Variants in CDH3 observed in about 807,000 individuals in gnomAD.
The protein encoded by CDH3 is cadherin-3.
CDH3 carries 54 observed loss-of-function variants against 82.0 expected under a neutral mutation model. The ratio of observed to expected loss-of-function variants is 0.66; its 90% CI spans 0.53 to 0.83. The LOEUF (loss-of-function observed/expected upper bound fraction) is 0.83, where lower values mean the gene tolerates loss of function less well. Among genes scored for constraint, CDH3 ranks in the 40% least tolerant of loss-of-function variants. CDH3 has a pLI of 0.00. For synonymous variants in CDH3, 446 were observed against 437.9 expected, an observed-to-expected ratio of 1.02 and a Z score of -0.23; for missense variants, 1,054 against 1,084.6, an observed-to-expected ratio of 0.97 and a Z score of 0.40.
chr16:68,719,976 A>C (rs1962143278), intron 1 of CDH3, among the ~76,000 whole-genome samples: 1 of 152,072 alleles, frequency 6.6e-6, no homozygotes, highest in African/African-American at 2.4e-5. Flanking sequence ...CAACATAGTG[A>C]AACCTCTTCT....
chr16:68,655,961 T>G (rs1960401075), intron 2 of CDH3, among the ~76,000 whole-genome samples: 1 of 152,154 alleles, frequency 6.6e-6, no homozygotes, highest in Non-Finnish European at 1.5e-5. Context: ...CTCGAGGAAC[T>G]GATGTCCAAG....
At chr16:68,654,732 ATATT>A (rs1555504523) in intron 2 of CDH3, among the ~76,000 whole-genome samples, 1 of 138,484 alleles carries the variant, frequency 7.2e-6, no homozygotes, top group Admixed American at 7.5e-5. Flanking sequence ...ATATATATAT[ATATT>A]TATTTTTAAA....
At chr16:68,655,981 A>G (rs1390603944) in intron 2 of CDH3, among the ~76,000 whole-genome samples, 1 of 152,182 alleles carries the variant, frequency 6.6e-6, no homozygotes, top group Non-Finnish European at 1.5e-5. Context: ...GCTGGCAGCC[A>G]AGGAAGAAGA....
intron 9 of CDH3, among the ~76,000 whole-genome samples, chr16:68,684,017 A>T (rs1307673988): frequency 7.1e-6 from 1 of 141,024 alleles, no homozygotes; most frequent in Non-Finnish European, 1.5e-5. Context: ...CAGTGAGCTG[A>T]GTTCGCATCA....
intron 8 of CDH3, 123 bp from the exon 9 acceptor site, chr16:68,682,179 G>C: frequency 1.9e-6 from 2 of 1,078,778 alleles, no homozygotes; most frequent in Non-Finnish European, 2.8e-6. Flanking sequence ...CCGCAAAGTG[G>C]GTGGGTGGTC....
chr16:68,683,982 G>A (rs1245153582), intron 9 of CDH3, among the ~76,000 whole-genome samples: 4 of 149,654 alleles, frequency 2.7e-5, no homozygotes, highest in Non-Finnish European at 4.4e-5. Flanking sequence ...CAGGAGAATC[G>A]CTTGATCTCG....
intron 11 of CDH3, chr16:68,686,403 T>G: frequency 7.4e-7 from 1 of 1,352,512 alleles, no homozygotes; most frequent in Non-Finnish European, 1.1e-6. Flanking sequence ...ATTTAGAAAG[T>G]TTCTTCCACT....
chr16:68,695,434 A>C, intron 14 of CDH3, 49 bp downstream of exon 14: 1 of 1,566,458 alleles, frequency 6.4e-7, no homozygotes, highest in Non-Finnish European at 8.7e-7. Context: ...CCCTAAGGCC[A>C]CTGGCAGGGC....
At chr16:68,651,528 C>A (rs558040349) in intron 2 of CDH3, 31 of 497,602 alleles carry the variant, frequency 6.2e-5, no homozygotes. Flanking sequence ...GTACCTGACA[C>A]TGATGTCCAC....
Position 68,647,611 on chromosome 16 carries a change from C to T in CDH3, c.160+1861C>T, listed in dbSNP as rs143562184. ...GCGCACCTTGAAACTCCCTGCCACA[C>T]GGCTGGGTCTTAGAGTAGGCTTCTG... On this transcript the variant is annotated intron_variant, in intron 2 of 15. Coordinates refer to ENST00000264012, the MANE Select transcript of CDH3 (RefSeq NM_001793.6). Among the ~76,000 whole-genome samples, 644 of 152,300 alleles carry T rather than the reference C, an allele frequency of 4.2e-3. 6 individuals carry two copies. Among genetic ancestry groups the T allele is most frequent in the African/African-American group, 0.015 (613 of 41,558 alleles).
intron 12 of CDH3, among the ~76,000 whole-genome samples, chr16:68,690,621 AT>A (rs1961537000): frequency 7.1e-6 from 1 of 139,882 alleles, no homozygotes; most frequent in Non-Finnish European, 1.5e-5. Context: ...TAAAAAAAAA[AT>A]TGAAGGCCGG....
intron 1 of CDH3, among the ~76,000 whole-genome samples, chr16:68,711,779 CACTG>C (rs1962034165): frequency 6.6e-6 from 1 of 152,164 alleles, no homozygotes; most frequent in African/African-American, 2.4e-5. Context: ...AGGGCATGGG[CACTG>C]ACTCACAGAG....
intron 2 of CDH3, among the ~76,000 whole-genome samples, chr16:68,669,395 G>T (rs1960825367): frequency 6.6e-6 from 1 of 152,096 alleles, no homozygotes; most frequent in Non-Finnish European, 1.5e-5. Flanking sequence ...TGAGTGGGAG[G>T]CACATACACC....
downstream of CDH3, among the ~76,000 whole-genome samples, chr16:68,729,449 G>A (rs1962260802): frequency 6.6e-6 from 1 of 152,160 alleles, no homozygotes; most frequent in African/African-American, 2.4e-5. Context: ...CACTATCATA[G>A]TTGTGGTTTC....
At chr16:68,649,751 G>A (rs1262340306) in intron 2 of CDH3, among the ~76,000 whole-genome samples, 1 of 152,072 alleles carries the variant, frequency 6.6e-6, no homozygotes, top group Non-Finnish European at 1.5e-5. Context: ...ACCTACTGAG[G>A]GGCGAGGCGC....
At chr16:68,658,561 T>C (rs1435649616) in intron 2 of CDH3, among the ~76,000 whole-genome samples, 1 of 152,084 alleles carries the variant, frequency 6.6e-6, no homozygotes, top group Non-Finnish European at 1.5e-5. Flanking sequence ...CTGACTGCCT[T>C]CTGAGCGGCC....
Position 68,679,840 on chromosome 16 carries a change from G to A in CDH3, c.733G>A (p.Ala245Thr). The change falls in exon 7 of 16, where the codon GCC (alanine) becomes ACC (threonine). Residue 245 changes from alanine to threonine, a missense_variant. Coordinates refer to ENST00000264012, the MANE Select transcript of CDH3 (RefSeq NM_001793.6). ...GGTGACAGCCACGGATGAGGATGAT[G>A]CCATCTACACCTACAATGGGGTGGT... ...MQVTATDEDD[A>T]IYTYNGVVAY... The A allele has an allele frequency of 6.2e-7, 1 of 1,613,438 alleles. No individual in the cohort carries two copies. Among genetic ancestry groups the A allele is most frequent in the Non-Finnish European group, 8.5e-7 (1 of 1,179,556 alleles).
chr16:68,718,864 A>G (rs1962125216), intron 1 of CDH3, among the ~76,000 whole-genome samples: 1 of 152,194 alleles, frequency 6.6e-6, no homozygotes, highest in Non-Finnish European at 1.5e-5. Context: ...CCAAAGAGGA[A>G]ATAGCCCAAG....
At chr16:68,645,453 C>T (rs774664233) in intron 1 of CDH3, 29 bp downstream of exon 1, 2 of 1,611,128 alleles carry the variant, frequency 1.2e-6, no homozygotes, top group South Asian at 1.1e-5. Flanking sequence ...GTGGCCCCGA[C>T]CGGGACCGCT....
Sources: gnomAD v4.1 joint callset for allele counts (sites outside exome capture counted in the v4.1 genomes callset) on GRCh38, gnomAD v4.1.1 for gene constraint, MANE v1.5 for transcripts, NCBI Gene and HGNC (gene_info 2026-07-23, HGNC 2026-07-21) for gene names.